The following GALR1 variants were observed in gnomAD, a reference collection of about 807,000 sequenced individuals.
The protein encoded by GALR1 is galanin receptor type 1.
In GALR1, 11 loss-of-function variants were observed where a neutral mutation model predicts 17.9. The observed-to-expected ratio is 0.62, with a 90% confidence interval of 0.39 to 1.02. The LOEUF (loss-of-function observed/expected upper bound fraction) is 1.02, where lower values mean the gene tolerates loss of function less well. Among genes scored for constraint, GALR1 ranks in the 50% least tolerant of loss-of-function variants. GALR1 has a pLI of 0.01. For missense variants in GALR1, 441 were observed against 456.9 expected, an observed-to-expected ratio of 0.97 and a Z score of 0.32; for synonymous variants, 206 against 205.7, an observed-to-expected ratio of 1.00 and a Z score of -0.01.
At chr18:77,267,519 C>T (rs779977876) in intron 2 of GALR1, among the ~76,000 whole-genome samples, 8 of 152,204 alleles carry the variant, frequency 5.3e-5, no homozygotes, top group Non-Finnish European at 1.0e-4. Context: ...CCACTAGTTT[C>T]GATGGCTCTG....
chr18:77,251,124 C>G lies in GALR1; in HGVS notation c.576C>G (p.Pro192=). 1 of 1,612,930 alleles carries G rather than the reference C, an allele frequency of 6.2e-7. No individual in the cohort carries two copies. The highest frequency in any genetic ancestry group is 8.5e-7 in the Non-Finnish European group (1 of 1,179,930). The change falls in exon 1 of 3, where the codon CCC becomes CCG. Residue 192 remains proline, a synonymous_variant. Transcript: ENST00000299727. ...SNQTFCWEQW[P]DPRHKKAYVV... ...AGACCTTCTGCTGGGAGCAGTGGCC[C>G]GACCCTCGCCACAAGAAGGCCTACG...
At chr18:77,252,766 T>G (rs975830165) in intron 1 of GALR1, among the ~76,000 whole-genome samples, 2 of 151,624 alleles carry the variant, frequency 1.3e-5, no homozygotes, top group African/African-American at 4.9e-5. Flanking sequence ...AAGAATTGTT[T>G]GAACCCAAGT....
rs1185672908 is a variant in GALR1, at chr18:77,273,735, T to A, written c.*4833T>A. On this transcript the variant is annotated 3_prime_UTR_variant, in exon 3 of 3. Transcript: ENST00000299727. ...TCAGCTGAATTTTCTCTCTGAATCT[T>A]TTCAATGTTGGCTCCATTTGCCATA... The A allele has an allele frequency of 6.6e-6, 1 of 152,228 alleles. No individual in the cohort carries two copies. The highest frequency in any genetic ancestry group is 1.9e-4 in the East Asian group (1 of 5,202). 9.4% of individuals were successfully genotyped at this position (152,228 alleles called of 1,614,324 possible).
chr18:77,252,309 G>A (rs1331033571), intron 1 of GALR1, among the ~76,000 whole-genome samples: 2 of 152,198 alleles, frequency 1.3e-5, no homozygotes, highest in Non-Finnish European at 2.9e-5. Context: ...CCAGAGCATC[G>A]CCATTTGAAA....
intron 1 of GALR1, among the ~76,000 whole-genome samples, chr18:77,252,935 C>CCATCACCACCAT (rs1568139105): frequency 3.3e-4 from 15 of 45,764 alleles, no homozygotes; most frequent in South Asian, 6.7e-4. Flanking sequence ...ACCACCACCA[C>CCATCACCACCAT]CACCACCACC....
In GALR1 at chr18:77,271,018, G is replaced by C. The variant is rs1018831314; in HGVS notation, c.*2116G>C. Reference sequence around the variant, plus strand: ...GTGTAAAGAAGTGCCTTCTTGTTGTGTTTGAGTTTGCATGAATGGAAATGA... The same window carrying C: ...GTGTAAAGAAGTGCCTTCTTGTTGTCTTTGAGTTTGCATGAATGGAAATGA... On this transcript the variant is annotated 3_prime_UTR_variant, in exon 3 of 3. Coordinates refer to ENST00000299727, the MANE Select transcript of GALR1 (RefSeq NM_001480.4). The C allele has an allele frequency of 6.6e-6, 1 of 152,126 alleles. No individual in the cohort carries two copies. Among genetic ancestry groups the C allele is most frequent in the African/African-American group, 2.4e-5 (1 of 41,418 alleles). The allele number at this position is 152,126 out of a possible 1,614,324, so 9.4% of individuals were successfully genotyped here. A position where few individuals can be genotyped will look rare whatever the true frequency, so the allele number is the denominator to read the frequency against.
At chr18:77,260,863 C>A (rs1335005542) in intron 2 of GALR1, among the ~76,000 whole-genome samples, 1 of 151,124 alleles carries the variant, frequency 6.6e-6, no homozygotes, top group African/African-American at 2.4e-5. Flanking sequence ...TGGTTGCTTC[C>A]TGGAGAAAAT....
rs976462369 is a variant in GALR1, at chr18:77,271,866, C to G, written c.*2964C>G. 3 of 152,164 alleles carry G rather than the reference C, an allele frequency of 2.0e-5. No homozygotes were observed. The highest frequency in any genetic ancestry group is 4.4e-5 in the Non-Finnish European group (3 of 68,032). The allele number at this position is 152,164 out of a possible 1,614,324, so 9.4% of individuals were successfully genotyped here. The stretch of plus-strand genomic sequence containing the variant: ...CATGCATAAGCAACCATTTCAGTGT[C>G]CTGCTGATGAATACAGTGATGTGGA... On this transcript the variant is annotated 3_prime_UTR_variant, in exon 3 of 3. Coordinates refer to ENST00000299727, the MANE Select transcript of GALR1 (RefSeq NM_001480.4).
At chr18:77,264,501 C>T (rs977677614) in intron 2 of GALR1, among the ~76,000 whole-genome samples, 1 of 152,156 alleles carries the variant, frequency 6.6e-6, no homozygotes, top group African/African-American at 2.4e-5. Flanking sequence ...CAGGTAAACC[C>T]TTCATCACAT....
In GALR1 at chr18:77,276,814, C is replaced by G. The variant is rs1484703252; in HGVS notation, c.*7912C>G. The G allele has an allele frequency of 6.6e-6, 1 of 152,160 alleles. No homozygotes were observed. The highest frequency in any genetic ancestry group is 1.5e-5 in the Non-Finnish European group (1 of 68,026). 9.4% of individuals were successfully genotyped at this position (152,160 alleles called of 1,614,324 possible). ...TACATTGATCAGATCCATAAAATAT[C>G]TGTTTAACTATTACATTACCCTAGC... On this transcript the variant is annotated 3_prime_UTR_variant, in exon 3 of 3. Transcript: ENST00000299727.
rs1294582853 is a variant in GALR1, at chr18:77,251,568, A to C, written c.666+354A>C. Reference sequence around the variant, plus strand: ...GCGGTAGGTAGGCGGGCGCTGCCGCATCCTTCCCGGTACAGCAAACCCCGC... The same window carrying C: ...GCGGTAGGTAGGCGGGCGCTGCCGCCTCCTTCCCGGTACAGCAAACCCCGC... On this transcript the variant is annotated intron_variant, in intron 1 of 2. Transcript: ENST00000299727. 3.3e-5 allele frequency among the ~76,000 whole-genome samples: 5 copies of C among 152,156 alleles called. No homozygotes were observed. In the South Asian group the frequency reaches 8.3e-4, roughly 25 times the overall value.
chr18:77,268,513 A>T, intron 2 of GALR1, 72 bp from the exon 3 acceptor site: 1 of 966,202 alleles, frequency 1.0e-6, no homozygotes, highest in Non-Finnish European at 1.6e-6. Flanking sequence ...GTAATCAATG[A>T]ATTTCCTTCC....
chr18:77,265,416 G>A (rs1013183552), intron 2 of GALR1, among the ~76,000 whole-genome samples: 3 of 152,204 alleles, frequency 2.0e-5, no homozygotes, highest in Non-Finnish European at 2.9e-5. Flanking sequence ...CTTCCGGGCT[G>A]CCTTCATGGC....
Position 77,250,945 on chromosome 18 carries a change from C to T in GALR1, c.397C>T (p.Arg133Cys). 1 of 1,604,330 alleles carries T rather than the reference C, an allele frequency of 6.2e-7. No individual in the cohort carries two copies. The highest frequency in any genetic ancestry group is 1.1e-5 in the South Asian group (1 of 91,088). The part of the protein sequence containing the change: ...IFTLAAMSVD[R>C]YVAIVHSRRS... Reference sequence around the variant, plus strand: ...CACCCTGGCCGCGATGTCCGTGGACCGCTACGTGGCCATCGTGCACTCGCG... The same window carrying T: ...CACCCTGGCCGCGATGTCCGTGGACTGCTACGTGGCCATCGTGCACTCGCG... Residue 133 changes from arginine (R) to cysteine (C), a missense_variant, in exon 1 of 3, where the codon CGC becomes TGC. Arg to Cys is a radical substitution (Grantham distance 180). Coordinates refer to ENST00000299727, the MANE Select transcript of GALR1 (RefSeq NM_001480.4).
chr18:77,252,992 C>CCATCACCACCAT (rs1912497721), intron 1 of GALR1, among the ~76,000 whole-genome samples: 1 of 30,164 alleles, frequency 3.3e-5, no homozygotes, highest in Non-Finnish European at 8.6e-5. Context: ...ACCACCATCA[C>CCATCACCACCAT]CACCACCACC....
At chr18:77,256,298 AC>A (rs1912586866) in intron 2 of GALR1, 75 bp downstream of exon 2, 1 of 831,462 alleles carries the variant, frequency 1.2e-6, no homozygotes, top group African/African-American at 1.7e-5. Context: ...ACTTGTCCTC[AC>A]GTCCATCCAA....
In GALR1 at chr18:77,250,945, C is replaced by G. The variant is rs763012311; in HGVS notation, c.397C>G (p.Arg133Gly). ...CACCCTGGCCGCGATGTCCGTGGAC[C>G]GCTACGTGGCCATCGTGCACTCGCG... Reference protein sequence around the residue: ...IFTLAAMSVDRYVAIVHSRRS... With the variant: ...IFTLAAMSVDGYVAIVHSRRS... The change falls in exon 1 of 3, where the codon CGC becomes GGC. Residue 133 changes from arginine (R) to glycine (G), a missense_variant. Transcript: ENST00000299727. The G allele has an allele frequency of 6.2e-7, 1 of 1,604,330 alleles. No individual in the cohort carries two copies. The highest frequency in any genetic ancestry group is 1.1e-5 in the South Asian group (1 of 91,088).
intron 2 of GALR1, among the ~76,000 whole-genome samples, chr18:77,258,728 G>A (rs796145105): frequency 2.1e-3 from 295 of 139,306 alleles, no homozygotes; most frequent in African/African-American, 7.8e-3. Context: ...GGTGATGGTG[G>A]TGATGGTGAT....
rs34420045 is a variant in GALR1, at chr18:77,270,528, ATG to A, written c.*1660_*1661del. The A allele has an allele frequency of 0.7, 100,789 of 142,986 alleles. 35,800 individuals carry two copies. Among genetic ancestry groups the A allele is most frequent in the South Asian group, 0.84 (3,713 of 4,404 alleles). The allele number at this position is 142,986 out of a possible 1,614,324, so 8.9% of individuals were successfully genotyped here. A position where few individuals can be genotyped will look rare whatever the true frequency, so the allele number is the denominator to read the frequency against. On this transcript the variant is annotated 3_prime_UTR_variant, in exon 3 of 3. Transcript: ENST00000299727. ...GACTCTGTCTAAAATATATATATAT[ATG>A]TGTGTGTGTGTGTGTGTGTGTGTGT...
Sources: gnomAD v4.1 joint callset for allele counts (sites outside exome capture counted in the v4.1 genomes callset) on GRCh38, gnomAD v4.1.1 for gene constraint, MANE v1.5 for transcripts, NCBI Gene and HGNC (gene_info 2026-07-23, HGNC 2026-07-21) for gene names.